COLEC10: variants seen among roughly 807,000 people sequenced by gnomAD.
COLEC10 encodes collectin-10.
In COLEC10, 22 loss-of-function variants were observed where a neutral mutation model predicts 28.4. That is an observed-to-expected ratio of 0.78 (90% CI 0.55 to 1.11). The LOEUF (loss-of-function observed/expected upper bound fraction) is 1.11, where lower values mean the gene tolerates loss of function less well. Among genes scored for constraint, COLEC10 ranks in the 50% least tolerant of loss-of-function variants. The probability of loss-of-function intolerance (pLI) is 0.00; values close to 1 mark genes in which losing one functional copy is unlikely to be tolerated. For synonymous variants in COLEC10, 125 were observed against 116.1 expected, an observed-to-expected ratio of 1.08 and a Z score of -0.49; for missense variants, 361 against 344.1, an observed-to-expected ratio of 1.05 and a Z score of -0.39.
intron 2 of COLEC10, among the ~76,000 whole-genome samples, chr8:119,025,452 T>A (rs569377722): frequency 3.3e-5 from 5 of 152,314 alleles, no homozygotes; most frequent in Admixed American, 1.3e-4. Flanking sequence ...TTAATTCCCC[T>A]GGGCCACCCA....
chr8:118,952,480 T>C, the COLEC10 span, among the ~76,000 whole-genome samples: 1 of 152,262 alleles, frequency 6.6e-6, no homozygotes, highest in African/African-American at 2.4e-5. Flanking sequence ...TGAGCCCTTT[T>C]CGGGGAGTTC....
intron 2 of COLEC10, among the ~76,000 whole-genome samples, chr8:119,032,414 A>G (rs1264542404): frequency 6.6e-6 from 1 of 152,178 alleles, no homozygotes; most frequent in Non-Finnish European, 1.5e-5. Flanking sequence ...CAGTCACATC[A>G]CCAAAAGGAA....
At chr8:118,974,632 A>G in the COLEC10 span, among the ~76,000 whole-genome samples, 2 of 152,104 alleles carry the variant, frequency 1.3e-5, no homozygotes, top group South Asian at 2.1e-4. Flanking sequence ...ACTGTTCTCA[A>G]TATCTCCCAT....
At position 119,106,215 on chromosome 8, in the gene COLEC10, T is replaced by C. The variant is rs1475968815; in HGVS notation, c.*24T>C. 1 of 1,573,632 alleles carries C rather than the reference T, an allele frequency of 6.4e-7. No homozygotes were observed. Among genetic ancestry groups the C allele is most frequent in the Non-Finnish European group, 8.7e-7 (1 of 1,156,026 alleles). ...AACTTCCCTCATCCTACGTATTTGCTATTTTCCTGTGACCGTCATTACAGT... is the reference window on the plus strand; with the variant it reads ...AACTTCCCTCATCCTACGTATTTGCCATTTTCCTGTGACCGTCATTACAGT... On this transcript the variant is annotated 3_prime_UTR_variant, in exon 6 of 6. Coordinates refer to ENST00000332843, the MANE Select transcript of COLEC10 (RefSeq NM_006438.5).
chr8:119,095,386 G>A (rs13254750), intron 3 of COLEC10, among the ~76,000 whole-genome samples: 14,429 of 152,128 alleles, frequency 0.095, 804 homozygotes, highest in Middle Eastern at 0.19. Context: ...TTGATCCATC[G>A]ACTCAATGCT....
At chr8:118,966,204 A>C in the COLEC10 span, among the ~76,000 whole-genome samples, 1 of 152,156 alleles carries the variant, frequency 6.6e-6, no homozygotes, top group Non-Finnish European at 1.5e-5. Flanking sequence ...CTTATAAAGC[A>C]CTTACTGTTT....
At chr8:118,958,242 T>A in the COLEC10 span, among the ~76,000 whole-genome samples, 1 of 152,194 alleles carries the variant, frequency 6.6e-6, no homozygotes, top group Non-Finnish European at 1.5e-5. Context: ...AGGCTCCACA[T>A]GGCATTTGGT....
chr8:118,952,761 G>C, the COLEC10 span, among the ~76,000 whole-genome samples: 1 of 152,174 alleles, frequency 6.6e-6, no homozygotes, highest in Non-Finnish European at 1.5e-5. Context: ...CCTCCTCGAG[G>C]TCTTTCCACT....
At chr8:118,974,889 AG>A in the COLEC10 span, among the ~76,000 whole-genome samples, 1 of 152,022 alleles carries the variant, frequency 6.6e-6, no homozygotes, top group East Asian at 1.9e-4. Flanking sequence ...ATAAACTTAA[AG>A]TTTATGGTTT....
At chr8:119,020,434 A>G (rs1814071493) in intron 2 of COLEC10, among the ~76,000 whole-genome samples, 1 of 152,128 alleles carries the variant, frequency 6.6e-6, no homozygotes, top group Non-Finnish European at 1.5e-5. Flanking sequence ...AAACTAAAGA[A>G]TTGGTTTCCA....
At position 119,095,272 on chromosome 8, in the gene COLEC10, C is replaced by T. The variant is rs182019911; in HGVS notation, c.292+4052C>T. On this transcript the variant is annotated intron_variant, in intron 3 of 5. Transcript: ENST00000332843. ...GTTATAAGCCCTCCACAATAAACTA[C>T]ACATAATGGACAAGAAATTAAAGAA... 2.6e-5 allele frequency among the ~76,000 whole-genome samples: 4 copies of T among 152,254 alleles called. No homozygotes were observed. The East Asian group carries it at 7.7e-4, about 29-fold the overall frequency.
intron 1 of COLEC10, among the ~76,000 whole-genome samples, chr8:119,073,673 G>T (rs1247317288): frequency 1.3e-5 from 2 of 151,798 alleles, no homozygotes; most frequent in Non-Finnish European, 2.9e-5. Flanking sequence ...ATGAAAGGAA[G>T]AATAAAATTC....
chr8:119,078,031 C>T (rs1815288679), intron 1 of COLEC10, among the ~76,000 whole-genome samples: 1 of 152,132 alleles, frequency 6.6e-6, no homozygotes, highest in South Asian at 2.1e-4. Flanking sequence ...TTTCAAATAA[C>T]CAGATCCTGT....
chr8:118,975,769 G>A, the COLEC10 span, among the ~76,000 whole-genome samples: 3 of 152,020 alleles, frequency 2.0e-5, no homozygotes, highest in African/African-American at 7.2e-5. Context: ...AAAAGTGAAC[G>A]TTCCAACCCT....
chr8:119,073,831 C>A (rs1280180056), intron 1 of COLEC10, among the ~76,000 whole-genome samples: 1 of 151,784 alleles, frequency 6.6e-6, no homozygotes, highest in Non-Finnish European at 1.5e-5. Context: ...GTATTAATCA[C>A]TAGTAGAGAT....
rs187010317 is a variant in COLEC10, at chr8:119,012,227, A to T, written n.235+2674A>T. Among the ~76,000 whole-genome samples, 537 of 151,000 alleles carry T rather than the reference A, an allele frequency of 3.6e-3. 9 individuals carry two copies. The highest frequency in any genetic ancestry group is 6.3e-3 in the Non-Finnish European group (429 of 67,834). ...ATTCCCTGCATCTACTGATATAATC[A>T]CATAATTTTTATTCTTTATCCTGTT... On this transcript the variant is annotated intron_variant and non_coding_transcript_variant, in intron 2 of 6. Coordinates refer to the COLEC10 transcript ENST00000521788.
intron 2 of COLEC10, among the ~76,000 whole-genome samples, chr8:119,023,400 A>G (rs1425842698): frequency 1.3e-5 from 2 of 152,152 alleles, no homozygotes; most frequent in East Asian, 3.9e-4. Context: ...CAATTTCAAG[A>G]GAAACTTTAG....
At chr8:119,082,387 C>T (rs1815387388) in intron 1 of COLEC10, among the ~76,000 whole-genome samples, 1 of 152,190 alleles carries the variant, frequency 6.6e-6, no homozygotes, top group Non-Finnish European at 1.5e-5. Flanking sequence ...CATTTATCTA[C>T]CTTGTCTTTA....
At chr8:119,047,164 C>T (rs1171124821) in intron 2 of COLEC10, among the ~76,000 whole-genome samples, 1 of 152,174 alleles carries the variant, frequency 6.6e-6, no homozygotes, top group Admixed American at 6.5e-5. Flanking sequence ...AATAATACAT[C>T]ATTATCATAA....
Sources: allele counts gnomAD v4.1 joint callset (sites outside exome capture counted in the v4.1 genomes callset), GRCh38; gene constraint gnomAD v4.1.1; transcripts MANE v1.5; gene names NCBI Gene and HGNC (gene_info 2026-07-23, HGNC 2026-07-21).